LINGO2: variants seen among roughly 807,000 people sequenced by gnomAD.
LINGO2 encodes the protein leucine-rich repeat and immunoglobulin-like domain-containing nogo receptor-interacting protein 2.
In LINGO2, 14 loss-of-function variants were observed where a neutral mutation model predicts 30.6. The observed-to-expected ratio is 0.46, with a 90% CI of 0.30 to 0.72. The LOEUF is 0.72. Among genes scored for constraint, LINGO2 ranks in the 30% least tolerant of loss-of-function variants. The pLI is 0.07. For missense variants in LINGO2, 729 were observed against 751.7 expected (o/e 0.97, Z 0.35); for synonymous variants, 317 against 288.5 (o/e 1.10, Z -1.00).
chr9:28,410,303 A>G (rs188800258), intron 2 of LINGO2, among the ~76,000 whole-genome samples: 2 of 152,266 alleles, frequency 1.3e-5, no homozygotes, highest in Admixed American at 6.5e-5. Flanking sequence ...GTTAGGATTT[A>G]CATGAACTAC....
chr9:28,609,146 G>A lies in LINGO2; in HGVS notation c.-365+61054C>T, dbSNP rs1825808146. On this transcript the variant is annotated intron_variant, in intron 1 of 5. Transcript: ENST00000379992. ...ATTTGAAAATCCAGTATGGATTAAT[G>A]AGCTAAAGAGTTTTTTTTTTTTTTT... is the stretch of plus-strand genomic sequence containing the variant. 3.5e-5 allele frequency among the ~76,000 whole-genome samples: 5 copies of A among 142,092 alleles called. No homozygotes were observed. The South Asian group carries it at 8.8e-4, about 25-fold the overall frequency. The allele number at this position is 142,092 out of a possible 152,430, so 93.2% of individuals were successfully genotyped here.
At chr9:28,360,759 A>C (rs567258752) in intron 3 of LINGO2, among the ~76,000 whole-genome samples, 1 of 152,206 alleles carries the variant, frequency 6.6e-6, no homozygotes, top group South Asian at 2.1e-4. Context: ...TCCCTTACAC[A>C]GTCTCACCTA....
chr9:28,073,671 T>C (rs1825545341), intron 4 of LINGO2, among the ~76,000 whole-genome samples: 1 of 152,234 alleles, frequency 6.6e-6, no homozygotes, highest in African/African-American at 2.4e-5. Flanking sequence ...GAATTGTTTT[T>C]CTACTTAGAT....
the LINGO2 span, among the ~76,000 whole-genome samples, chr9:29,116,677 C>T: frequency 7.0e-6 from 1 of 143,244 alleles, no homozygotes; most frequent in Non-Finnish European, 1.5e-5. Context: ...TGATAATGTT[C>T]AAGAAAAAAA....
chr9:28,017,117 A>C (rs1233205656), intron 4 of LINGO2, among the ~76,000 whole-genome samples: 1 of 152,202 alleles, frequency 6.6e-6, no homozygotes, highest in African/African-American at 2.4e-5. Flanking sequence ...AGATGCAGAA[A>C]AGGCTTTTGA....
the LINGO2 span, among the ~76,000 whole-genome samples, chr9:28,718,814 G>A: frequency 3.7e-3 from 563 of 152,024 alleles, 6 homozygotes; most frequent in African/African-American, 0.013. Context: ...GGTTTTTTCT[G>A]TACTTCCCCT....
At chr9:28,221,550 TA>T in intron 4 of LINGO2, among the ~76,000 whole-genome samples, 1 of 152,286 alleles carries the variant, frequency 6.6e-6, no homozygotes, top group East Asian at 1.9e-4. Flanking sequence ...GGTTCATAAA[TA>T]ATCAGGCAAG....
chr9:28,079,164 T>C (rs1174129158), intron 4 of LINGO2, among the ~76,000 whole-genome samples: 2 of 151,880 alleles, frequency 1.3e-5, no homozygotes, highest in African/African-American at 4.9e-5. Context: ...GGATCAGGTT[T>C]TAACACAATC....
chr9:28,929,809 A>C, the LINGO2 span, among the ~76,000 whole-genome samples: 3 of 152,188 alleles, frequency 2.0e-5, no homozygotes, highest in Non-Finnish European at 4.4e-5. Context: ...ACTATAAAGA[A>C]CAAATTTTAA....
chr9:29,034,038 C>T, the LINGO2 span, among the ~76,000 whole-genome samples: 5 of 151,414 alleles, frequency 3.3e-5, no homozygotes, highest in Non-Finnish European at 1.5e-5. Context: ...GCTCAGATTG[C>T]GGTCACTGCA....
At chr9:29,049,513 C>A in the LINGO2 span, among the ~76,000 whole-genome samples, 1 of 152,140 alleles carries the variant, frequency 6.6e-6, no homozygotes, top group Admixed American at 6.6e-5. Flanking sequence ...ATGTTTGTTG[C>A]AGCACTGTTT....
At chr9:28,014,808 G>A (rs1348793566) in intron 4 of LINGO2, among the ~76,000 whole-genome samples, 1 of 152,050 alleles carries the variant, frequency 6.6e-6, no homozygotes, top group Non-Finnish European at 1.5e-5. Context: ...GTATATGTTA[G>A]TCCTCATAGA....
chr9:29,170,167 C>G, the LINGO2 span, among the ~76,000 whole-genome samples: 1 of 152,126 alleles, frequency 6.6e-6, no homozygotes, highest in African/African-American at 2.4e-5. Context: ...TTATAGCAGC[C>G]CTATTCACAA....
intron 1 of LINGO2, among the ~76,000 whole-genome samples, chr9:28,590,307 G>A (rs990624473): frequency 5.1e-4 from 78 of 152,138 alleles, no homozygotes; most frequent in African/African-American, 1.3e-3. Context: ...TGACAAATGG[G>A]ATCTAATTAA....
chr9:28,343,343 TAAAC>T (rs1819433098), intron 3 of LINGO2, among the ~76,000 whole-genome samples: 1 of 152,118 alleles, frequency 6.6e-6, no homozygotes, highest in Admixed American at 6.6e-5. Context: ...TCACTTCAAA[TAAAC>T]AAATAAACAA....
At chr9:28,887,351 CT>C in the LINGO2 span, among the ~76,000 whole-genome samples, 4 of 151,868 alleles carry the variant, frequency 2.6e-5, no homozygotes, top group East Asian at 7.7e-4. Context: ...TAACTTGCCC[CT>C]GGTCTTAAAA....
the LINGO2 span, among the ~76,000 whole-genome samples, chr9:28,941,500 G>C: frequency 6.6e-6 from 1 of 152,058 alleles, no homozygotes; most frequent in African/African-American, 2.4e-5. Flanking sequence ...AGCCCCTTTT[G>C]CAACTAGGCA....
chr9:28,814,023 AC>A, the LINGO2 span, among the ~76,000 whole-genome samples: 1 of 152,210 alleles, frequency 6.6e-6, no homozygotes, highest in Non-Finnish European at 1.5e-5. Context: ...TACAATACTT[AC>A]TGATAACAAG....
the LINGO2 span, among the ~76,000 whole-genome samples, chr9:29,201,764 G>A: frequency 6.6e-6 from 1 of 151,946 alleles, no homozygotes; most frequent in South Asian, 2.1e-4. Flanking sequence ...TAGGTACTGA[G>A]CACACAAATT....
Sources: gnomAD v4.1 joint callset for allele counts (sites outside exome capture counted in the v4.1 genomes callset) on GRCh38, gnomAD v4.1.1 for gene constraint, MANE v1.5 for transcripts, NCBI Gene and HGNC (gene_info 2026-07-23, HGNC 2026-07-21) for gene names.